The following GPSM2 variants were observed in gnomAD, a reference collection of about 807,000 sequenced individuals.
GPSM2 encodes the protein G protein-signaling modulator 2.
In GPSM2, 58 loss-of-function variants were observed where a neutral mutation model predicts 78.4. The observed-to-expected ratio is 0.74, with a 90% CI of 0.60 to 0.92. The LOEUF is 0.92. Ranked by LOEUF, GPSM2 falls within the 40% of genes least tolerant of loss-of-function variation. GPSM2 has a pLI of 0.00. For missense variants in GPSM2, 700 were observed against 815.5 expected, an observed-to-expected ratio of 0.86 and a Z score of 1.73; for synonymous variants, 224 against 280.2, an observed-to-expected ratio of 0.80 and a Z score of 2.00.
At chr1:108,880,958 G>A (rs1471273599) in intron 1 of GPSM2, among the ~76,000 whole-genome samples, 3 of 152,228 alleles carry the variant, frequency 2.0e-5, no homozygotes, top group Non-Finnish European at 2.9e-5. Context: ...TTTACTGCCA[G>A]TGGAGTAAAG....
chr1:108,894,009 G>A (rs1285935662), intron 2 of GPSM2, among the ~76,000 whole-genome samples: 4 of 151,834 alleles, frequency 2.6e-5, no homozygotes, highest in African/African-American at 9.7e-5. Flanking sequence ...GAGCCATTGC[G>A]CTCCAGCCTG....
chr1:108,911,699 T>G (rs182420673), intron 10 of GPSM2, among the ~76,000 whole-genome samples: 2 of 151,778 alleles, frequency 1.3e-5, no homozygotes, highest in African/African-American at 4.8e-5. Flanking sequence ...TAAAGCAAAA[T>G]TGACCAAAGA....
At chr1:108,922,158 A>G (rs546015198) in intron 12 of GPSM2, among the ~76,000 whole-genome samples, 1 of 152,344 alleles carries the variant, frequency 6.6e-6, no homozygotes, top group African/African-American at 2.4e-5. Flanking sequence ...CAGTGTTTGC[A>G]TAATTCAGTA....
rs1651614392 is a variant in GPSM2 at position 108,929,871 on chromosome 1, A to G, written c.1986A>G (p.Leu662=). Residue 662 remains leucine, a synonymous_variant, in exon 15 of 15, where the codon CTA becomes CTG. Transcript: ENST00000264126. ...AAAACAGAGACACTGACTTTGGGCT[A>G]AAGGACTTTTTGCAAAATAATGCTT... ...RDQNRDTDFG[L]KDFLQNNALL... The G allele has an allele frequency of 1.2e-6, 2 of 1,613,800 alleles. No individual in the cohort carries two copies. The highest frequency in any genetic ancestry group is 1.6e-4 in the Middle Eastern group (1 of 6,084).
At chr1:108,905,141 G>A (rs536435642) in intron 10 of GPSM2, among the ~76,000 whole-genome samples, 4 of 152,282 alleles carry the variant, frequency 2.6e-5, no homozygotes, top group Admixed American at 6.5e-5. Flanking sequence ...AGTGTGAACC[G>A]TATAATAATT....
At chr1:108,921,327 G>T (rs1310443476) in intron 12 of GPSM2, among the ~76,000 whole-genome samples, 1 of 151,908 alleles carries the variant, frequency 6.6e-6, no homozygotes, top group Non-Finnish European at 1.5e-5. Flanking sequence ...GGCTGAGGCA[G>T]GAGAATTGCT....
At chr1:108,914,190 T>C in intron 10 of GPSM2, 148 bp from the exon 11 acceptor site, 1 of 609,308 alleles carries the variant, frequency 1.6e-6, no homozygotes, top group Admixed American at 2.9e-5. Context: ...TAGAAAATTA[T>C]TATTCTTGGA....
chr1:108,880,922 C>A (rs766435843), intron 1 of GPSM2, among the ~76,000 whole-genome samples: 7 of 152,158 alleles, frequency 4.6e-5, no homozygotes, highest in Non-Finnish European at 7.3e-5. Context: ...CGAAGAAGCA[C>A]AAAATGTAAC....
intron 10 of GPSM2, among the ~76,000 whole-genome samples, chr1:108,904,634 C>T (rs1017956843): frequency 6.6e-6 from 1 of 151,768 alleles, no homozygotes. Flanking sequence ...TCCTTTTTAT[C>T]TCATATCGTT....
chr1:108,881,234 GT>G (rs1665885009), intron 1 of GPSM2, among the ~76,000 whole-genome samples: 1 of 152,130 alleles, frequency 6.6e-6, no homozygotes, highest in Non-Finnish European at 1.5e-5. Flanking sequence ...TAATTTTGAG[GT>G]TTTTGGAGCA....
intron 4 of GPSM2, 90 bp from the exon 5 acceptor site, chr1:108,897,866 TCCC>T: frequency 3.0e-6 from 4 of 1,345,900 alleles, no homozygotes; most frequent in Admixed American, 1.9e-5. Flanking sequence ...AAAATTTTTT[TCCC>T]TTGTCCGTAA....
At chr1:108,919,775 T>A (rs1438041433) in intron 12 of GPSM2, among the ~76,000 whole-genome samples, 2 of 152,212 alleles carry the variant, frequency 1.3e-5, no homozygotes, top group Non-Finnish European at 2.9e-5. Context: ...ACCGTGGGTT[T>A]ACTGATAATC....
At position 108,896,866 on chromosome 1, in the gene GPSM2, T is replaced by G. The variant is rs375978544; in HGVS notation, c.59T>G (p.Met20Arg). ...GTCTGTCCTGTATAATTTTGTAGAA[T>G]GGAAGCTTCTTGCCTAGAGCTGGCC... ...EDHSFHVRYR[M>R]EASCLELALE... The change falls in exon 3 of 15, where the codon ATG becomes AGG. Residue 20 changes from methionine to arginine, a missense_variant and splice_region_variant. By Grantham distance (91) the Met-to-Arg change is moderately conservative. Transcript: ENST00000264126. The G allele has an allele frequency of 1.2e-6, 2 of 1,608,864 alleles. No individual in the cohort carries two copies. Among genetic ancestry groups the G allele is most frequent in the Non-Finnish European group, 1.7e-6 (2 of 1,175,252 alleles).
At chr1:108,881,070 C>A (rs1557851871) in intron 1 of GPSM2, among the ~76,000 whole-genome samples, 1 of 152,212 alleles carries the variant, frequency 6.6e-6, no homozygotes, top group African/African-American at 2.4e-5. Context: ...TAAAGGGAGT[C>A]TGTCTATTTT....
rs1652247643 is a variant in GPSM2 at position 108,932,867 on chromosome 1, A to AAAG, written c.*2929_*2931dup. On this transcript the variant is annotated 3_prime_UTR_variant, in exon 15 of 15. Coordinates refer to ENST00000264126, the MANE Select transcript of GPSM2 (RefSeq NM_013296.5). The stretch of plus-strand genomic sequence containing the variant: ...AAAATCACGTTTCTGATGAAATTCT[A>AAAG]AAGATGTTTGCAATATTAAACTAGA... The AAAG allele has an allele frequency of 6.6e-6, 1 of 152,258 alleles. No homozygotes were observed. The highest frequency in any genetic ancestry group is 1.5e-5 in the Non-Finnish European group (1 of 68,042). The allele number at this position is 152,258 out of a possible 1,614,324, so 9.4% of individuals were successfully genotyped here. A position where few individuals can be genotyped will look rare whatever the true frequency, so the allele number is the denominator to read the frequency against.
chr1:108,919,840 G>C (rs1405567019), intron 12 of GPSM2, among the ~76,000 whole-genome samples: 4 of 152,160 alleles, frequency 2.6e-5, no homozygotes, highest in Admixed American at 6.5e-5. Context: ...AAGGATCAAA[G>C]TACATTACAA....
At chr1:108,898,853 C>T (rs775885553) in intron 6 of GPSM2, 26 bp from the exon 7 acceptor site, 1 of 1,590,960 alleles carries the variant, frequency 6.3e-7, no homozygotes. Flanking sequence ...ATTTTATCTA[C>T]ATCTAATTAA....
chr1:108,919,854 AGGTAC>A (rs1431710935), intron 12 of GPSM2, among the ~76,000 whole-genome samples: 2 of 152,244 alleles, frequency 1.3e-5, no homozygotes, highest in Non-Finnish European at 2.9e-5. Context: ...ATTACAAAGA[AGGTAC>A]TTCATATTAT....
Position 108,904,140 on chromosome 1 carries a change from G to T in GPSM2, c.1078G>T (p.Gly360Cys), listed in dbSNP as rs374837064. 3 of 1,599,066 alleles carry T rather than the reference G, an allele frequency of 1.9e-6. No individual in the cohort carries two copies. The highest frequency in any genetic ancestry group is 1.8e-4 in the Middle Eastern group (1 of 5,546). Residue 360 changes from glycine to cysteine, a missense_variant, in exon 10 of 15, where the codon GGT (glycine) becomes TGT (cysteine). Coordinates refer to ENST00000264126, the MANE Select transcript of GPSM2 (RefSeq NM_013296.5). The part of the protein sequence containing the change: ...EISREVGDKS[G>C]ELTARLNLSD... ...TGTGTTGTAGGTTGGGGATAAAAGT[G>T]GTGAACTAACAGCACGACTTAATCT...
Sources: gnomAD v4.1 joint callset for allele counts (sites outside exome capture counted in the v4.1 genomes callset) on GRCh38, gnomAD v4.1.1 for gene constraint, MANE v1.5 for transcripts, NCBI Gene and HGNC (gene_info 2026-07-23, HGNC 2026-07-21) for gene names.